Variants in TAFA1 observed in about 807,000 individuals in gnomAD.
The protein encoded by TAFA1 is chemokine-like protein TAFA-1.
Under a neutral mutation model 18.5 loss-of-function variants are expected in TAFA1, and 4 were observed. That is an observed-to-expected ratio of 0.22 (90% confidence interval 0.11 to 0.49). The LOEUF (loss-of-function observed/expected upper bound fraction) is 0.49. Ranked by LOEUF, TAFA1 falls within the 20% of genes least tolerant of loss-of-function variation. The probability of loss-of-function intolerance (pLI) is 0.98; values close to 1 mark genes in which losing one functional copy is unlikely to be tolerated. For synonymous variants in TAFA1, 56 were observed against 55.2 expected (o/e 1.01, Z -0.06); for missense variants, 147 against 169.0 (o/e 0.87, Z 0.72).
chr3:68,104,829 G>A (rs1477987334), intron 2 of TAFA1, among the ~76,000 whole-genome samples: 3 of 152,124 alleles, frequency 2.0e-5, no homozygotes, highest in Non-Finnish European at 4.4e-5. Flanking sequence ...GGAAAAAGTA[G>A]TTTGTTGACC....
chr3:68,216,954 A>G (rs1158127952), intron 2 of TAFA1, among the ~76,000 whole-genome samples: 2 of 152,096 alleles, frequency 1.3e-5, no homozygotes, highest in Non-Finnish European at 2.9e-5. Flanking sequence ...AGACAAATCT[A>G]CCATGCAGGA....
chr3:68,255,179 A>T (rs556616297), intron 2 of TAFA1, among the ~76,000 whole-genome samples: 14 of 152,304 alleles, frequency 9.2e-5, no homozygotes, highest in Admixed American at 7.9e-4. Flanking sequence ...TTAAAGTGGA[A>T]TGATTCAATC....
intron 2 of TAFA1, among the ~76,000 whole-genome samples, chr3:68,239,287 G>A (rs1004469977): frequency 6.6e-6 from 1 of 152,086 alleles, no homozygotes. Context: ...ATTGACTTGA[G>A]TTCATGTTAC....
At chr3:68,375,287 T>G (rs963129020) in intron 2 of TAFA1, among the ~76,000 whole-genome samples, 8 of 152,196 alleles carry the variant, frequency 5.3e-5, no homozygotes, top group Admixed American at 2.0e-4. Flanking sequence ...GTGTTATCAT[T>G]TGACAATATC....
chr3:68,321,254 C>T (rs2068693917), intron 2 of TAFA1, among the ~76,000 whole-genome samples: 1 of 152,112 alleles, frequency 6.6e-6, no homozygotes, highest in Non-Finnish European at 1.5e-5. Context: ...ACATTAGCTG[C>T]TATTATTATT....
At chr3:68,081,046 G>T (rs2064891759) in intron 2 of TAFA1, among the ~76,000 whole-genome samples, 1 of 151,868 alleles carries the variant, frequency 6.6e-6, no homozygotes, top group African/African-American at 2.4e-5. Context: ...TTCCCTTCTT[G>T]CTTCATTTCA....
chr3:68,140,817 G>T (rs1046859507), intron 2 of TAFA1, among the ~76,000 whole-genome samples: 1 of 152,156 alleles, frequency 6.6e-6, no homozygotes, highest in African/African-American at 2.4e-5. Context: ...TTTGCCCAGG[G>T]CTTTAGAGCC....
At chr3:68,498,768 G>A (rs2072602076) in intron 3 of TAFA1, among the ~76,000 whole-genome samples, 1 of 118,182 alleles carries the variant, frequency 8.5e-6, no homozygotes, top group Non-Finnish European at 1.6e-5. Context: ...GAGAGAGAGA[G>A]AGAAAACTAT....
intron 3 of TAFA1, among the ~76,000 whole-genome samples, chr3:68,430,661 A>G (rs931885351): frequency 2.0e-5 from 3 of 151,946 alleles, no homozygotes; most frequent in Non-Finnish European, 4.4e-5. Flanking sequence ...AACACTTCAG[A>G]CAATGCCAAA....
intron 2 of TAFA1, among the ~76,000 whole-genome samples, chr3:68,057,802 G>A (rs2064554397): frequency 6.6e-6 from 1 of 152,156 alleles, no homozygotes; most frequent in Non-Finnish European, 1.5e-5. Context: ...AGCAGTGGGT[G>A]GAGTGGCACA....
intron 2 of TAFA1, among the ~76,000 whole-genome samples, chr3:68,085,904 G>A (rs368097334): frequency 6.6e-6 from 1 of 152,268 alleles, no homozygotes; most frequent in African/African-American, 2.4e-5. Flanking sequence ...TGCCTGAACA[G>A]GTGTGCCCAA....
intron 2 of TAFA1, among the ~76,000 whole-genome samples, chr3:68,187,303 C>G (rs913065876): frequency 4.0e-5 from 6 of 151,894 alleles, no homozygotes; most frequent in Non-Finnish European, 8.8e-5. Flanking sequence ...TGGATTATCA[C>G]AAAGTGAACA....
At chr3:68,440,183 T>A (rs955425065) in intron 3 of TAFA1, among the ~76,000 whole-genome samples, 1 of 152,130 alleles carries the variant, frequency 6.6e-6, no homozygotes, top group Non-Finnish European at 1.5e-5. Flanking sequence ...TCAAAAGAGC[T>A]GATGGCTTTA....
At chr3:68,229,562 T>G (rs2066845209) in intron 2 of TAFA1, among the ~76,000 whole-genome samples, 1 of 152,126 alleles carries the variant, frequency 6.6e-6, no homozygotes, top group East Asian at 1.9e-4. Flanking sequence ...AATGTAGAAA[T>G]GAGAAATGTG....
chr3:67,992,600 AC>A, the TAFA1 span, among the ~76,000 whole-genome samples: 1 of 152,230 alleles, frequency 6.6e-6, no homozygotes, highest in Non-Finnish European at 1.5e-5. Context: ...ATCCATTCCA[AC>A]AATTTTACTG....
intron 3 of TAFA1, among the ~76,000 whole-genome samples, chr3:68,452,761 T>C (rs1261186554): frequency 2.0e-5 from 3 of 152,204 alleles, no homozygotes; most frequent in Non-Finnish European, 4.4e-5. Flanking sequence ...TGTTGTTTTC[T>C]AGATATTGAA....
At chr3:68,384,757 C>G (rs2070054376) in intron 2 of TAFA1, among the ~76,000 whole-genome samples, 1 of 151,960 alleles carries the variant, frequency 6.6e-6, no homozygotes, top group South Asian at 2.1e-4. Context: ...CTAATATTGT[C>G]AATGGGGTGT....
chr3:68,088,338 G>GATGC (rs2064994953), intron 2 of TAFA1, among the ~76,000 whole-genome samples: 1 of 152,086 alleles, frequency 6.6e-6, no homozygotes, highest in Non-Finnish European at 1.5e-5. Flanking sequence ...TTGATCATTT[G>GATGC]TGGTTTTGAC....
At chr3:68,059,201 C>G (rs2064571828) in intron 2 of TAFA1, among the ~76,000 whole-genome samples, 1 of 152,002 alleles carries the variant, frequency 6.6e-6, no homozygotes, top group Admixed American at 6.6e-5. Flanking sequence ...GTAGCAATAG[C>G]AAATGCTCGT....
Sources: gnomAD v4.1 joint callset for allele counts (sites outside exome capture counted in the v4.1 genomes callset) on GRCh38, gnomAD v4.1.1 for gene constraint, MANE v1.5 for transcripts, NCBI Gene and HGNC (gene_info 2026-07-23, HGNC 2026-07-21) for gene names.